The following ECM1 variants were observed in gnomAD, a reference collection of about 807,000 sequenced individuals.
ECM1 encodes secretory component p85.
Under a neutral mutation model 57.9 loss-of-function variants are expected in ECM1, and 54 were observed. The ratio of observed to expected loss-of-function variants is 0.93; its 90% CI spans 0.75 to 1.17. The LOEUF is 1.17. Ranked by LOEUF, ECM1 falls within the 50% of genes most tolerant of loss-of-function variation. The pLI is 0.00. For missense variants in ECM1, 649 were observed against 688.1 expected, an observed-to-expected ratio of 0.94 and a Z score of 0.64; for synonymous variants, 237 against 259.1, an observed-to-expected ratio of 0.91 and a Z score of 0.82.
chr1:150,511,134 T>A lies in ECM1; in HGVS notation c.644T>A (p.Ile215Asn). The change falls in exon 6 of 10, where the codon ATT becomes AAT. Residue 215 changes from isoleucine (I) to asparagine (N), a missense_variant. Coordinates refer to ENST00000369047, the MANE Select transcript of ECM1 (RefSeq NM_004425.4). Reference protein sequence around the residue: ...RQGETLNFLEIGYSRCCHCRS... With the variant: ...RQGETLNFLENGYSRCCHCRS... Reference sequence around the variant, plus strand: ...GGTGAGACCCTCAATTTCCTGGAGATTGGATATTCCCGCTGCTGCCACTGC... The same window carrying A: ...GGTGAGACCCTCAATTTCCTGGAGAATGGATATTCCCGCTGCTGCCACTGC... 1 of 1,614,174 alleles carries A rather than the reference T, an allele frequency of 6.2e-7. No individual in the cohort carries two copies. The highest frequency in any genetic ancestry group is 8.5e-7 in the Non-Finnish European group (1 of 1,180,022).
Position 150,511,144 on chromosome 1 carries a change from C to T in ECM1, c.654C>T (p.Ser218=), listed in dbSNP as rs145380604. ...ETLNFLEIGY[S]RCCHCRSHTN... ...TCAATTTCCTGGAGATTGGATATTC[C>T]CGCTGCTGCCACTGCCGCAGCCACA... Residue 218 remains serine (S), a synonymous_variant, in exon 6 of 10, where the codon TCC becomes TCT. Coordinates refer to ENST00000369047, the MANE Select transcript of ECM1 (RefSeq NM_004425.4). 6 of 1,614,104 alleles carry T rather than the reference C, an allele frequency of 3.7e-6. No homozygotes were observed. Among genetic ancestry groups the T allele is most frequent in the Non-Finnish European group, 4.2e-6 (5 of 1,180,052 alleles).
chr1:150,508,360 T>A, intron 1 of ECM1, 81 bp downstream of exon 1: 1 of 1,328,710 alleles, frequency 7.5e-7, no homozygotes, highest in South Asian at 1.2e-5. Context: ...AGACGGCTCA[T>A]CACTAGCAGA....
At chr1:150,512,216 A>T in intron 7 of ECM1, 136 bp from the exon 8 acceptor site, 1 of 954,874 alleles carries the variant, frequency 1.0e-6, no homozygotes, top group Non-Finnish European at 1.6e-6. Flanking sequence ...CTAACCCTCT[A>T]CTTTTTTGCC....
chr1:150,508,178 C>T lies in ECM1; in HGVS notation c.-32C>T. 1.2e-6 allele frequency: 2 copies of T among 1,612,894 alleles called. No individual in the cohort carries two copies. Among genetic ancestry groups the T allele is most frequent in the Non-Finnish European group, 1.7e-6 (2 of 1,179,038 alleles). On this transcript the variant is annotated 5_prime_UTR_variant, in exon 1 of 10. Transcript: ENST00000369047. The stretch of plus-strand genomic sequence containing the variant: ...ATCCAGACTTGCCTGAGAGGACCCA[C>T]CTCTGAGTGTCCAGTGGTCAGTTGC...
rs1670421266 is a variant in ECM1 at position 150,510,987 on chromosome 1, G to A, written c.497G>A (p.Gly166Asp). The stretch of plus-strand genomic sequence containing the variant: ...GGGGGCTGGGGCCACCGGCTGGATG[G>A]CTTCCCCCCTGGGCGGCCTTCTCCA... The part of the protein sequence containing the change: ...SQGGWGHRLD[G>D]FPPGRPSPDN... The change falls in exon 6 of 10, where the codon GGC becomes GAC. Residue 166 changes from glycine (G) to aspartate (D), a missense_variant. By Grantham distance (94) the Gly-to-Asp change is moderately conservative (BLOSUM62 -1). Transcript: ENST00000369047. The A allele has an allele frequency of 3.1e-6, 5 of 1,614,058 alleles. No homozygotes were observed. The highest frequency in any genetic ancestry group is 4.2e-6 in the Non-Finnish European group (5 of 1,180,032).
chr1:150,510,547 C>T lies in ECM1; in HGVS notation c.386-329C>T, dbSNP rs587634366. On this transcript the variant is annotated intron_variant, in intron 5 of 9. Coordinates refer to ENST00000369047, the MANE Select transcript of ECM1 (RefSeq NM_004425.4). The stretch of plus-strand genomic sequence containing the variant: ...TCCATATCAGGAGGAGATAATCATC[C>T]ATTCCATGCCGAGAGAGGGTGAGTG... 5 of 547,714 alleles carry T rather than the reference C, an allele frequency of 9.1e-6. No individual in the cohort carries two copies. In the East Asian group the frequency reaches 1.3e-4, roughly 14 times the overall value. 33.9% of individuals were successfully genotyped at this position (547,714 alleles called of 1,614,324 possible). A position where few individuals can be genotyped will look rare whatever the true frequency, so the allele number is the denominator to read the frequency against.
At chr1:150,512,255 C>G in intron 7 of ECM1, 97 bp from the exon 8 acceptor site, 3 of 1,364,716 alleles carry the variant, frequency 2.2e-6, no homozygotes, top group Non-Finnish European at 1.0e-6. Context: ...GGGCTGGGAG[C>G]CCCTCATCTA....
intron 1 of ECM1, among the ~76,000 whole-genome samples, chr1:150,508,539 GGGTT>G (rs1670338774): frequency 6.6e-6 from 1 of 152,128 alleles, no homozygotes; most frequent in Admixed American, 6.6e-5. Flanking sequence ...AGTGGGGGGT[GGGTT>G]CACAGAGTGA....
In ECM1 at chr1:150,512,762, C is replaced by T. The variant is rs199929991; in HGVS notation, c.1342C>T (p.Arg448Cys). The change falls in exon 9 of 10, where the codon CGC (arginine) becomes TGC (cysteine). Residue 448 changes from arginine to cysteine, a missense_variant. Transcript: ENST00000369047. ...IPGLIHNMTARCCDLPFPEQA... is the reference protein window; with the variant it reads ...IPGLIHNMTACCCDLPFPEQA... ...TGGGCTGATCCACAACATGACTGCC[C>T]GCTGCTGTGACCTGCCATTTCCAGA... 6.8e-6 allele frequency: 11 copies of T among 1,613,990 alleles called. No individual in the cohort carries two copies. The highest frequency in any genetic ancestry group is 5.0e-5 in the Admixed American group (3 of 59,996).
At chr1:150,511,965 G>A in intron 7 of ECM1, 134 bp downstream of exon 7, 1 of 1,248,922 alleles carries the variant, frequency 8.0e-7, no homozygotes, top group African/African-American at 1.5e-5. Context: ...GCTTGTGGCT[G>A]TCCGTCCATC....
intron 1 of ECM1, 123 bp downstream of exon 1, chr1:150,508,402 C>G (rs1481901038): frequency 9.6e-7 from 1 of 1,038,268 alleles, no homozygotes; most frequent in Admixed American, 1.8e-5. Flanking sequence ...CTTTTCTGAG[C>G]AGGCCCAAAG....
Position 150,511,071 on chromosome 1 carries a change from AC to A in ECM1, c.583del (p.Leu195TyrfsTer36). 6.2e-7 allele frequency: 1 copy of A among 1,614,096 alleles called. No individual in the cohort carries two copies. The highest frequency in any genetic ancestry group is 8.5e-7 in the Non-Finnish European group (1 of 1,180,014). ...NRQHVVYGPW[N>X]LPQSSYSHLT... is the part of the protein sequence containing the mutation. ...CAGCATGTGGTATATGGTCCCTGGA[AC>A]CTACCACAGTCCAGCTACTCCCACC... is the stretch of plus-strand genomic sequence containing the variant. On this transcript the variant is annotated frameshift_variant, in exon 6 of 10. Coordinates refer to ENST00000369047, the MANE Select transcript of ECM1 (RefSeq NM_004425.4). LOFTEE classifies it high-confidence loss of function.
Position 150,511,646 on chromosome 1 carries a change from C to G in ECM1, c.898C>G (p.Pro300Ala). 1 of 1,614,162 alleles carries G rather than the reference C, an allele frequency of 6.2e-7. No homozygotes were observed. The highest frequency in any genetic ancestry group is 8.5e-7 in the Non-Finnish European group (1 of 1,180,026). Residue 300 changes from proline to alanine, a missense_variant, in exon 7 of 10, where the codon CCT (proline) becomes GCT (alanine). Physicochemically the swap from Pro to Ala is conservative, Grantham distance 27 (BLOSUM62 -1). Transcript: ENST00000369047. ...DISSGLELPF[P>A]PGVPTLDNIK... ...TTCCTCGGGTCTTGAGCTGCCTTTC[C>G]CTCCTGGGGTGCCCACATTGGACAA...
At chr1:150,509,508 T>G (rs768285248) in intron 1 of ECM1, 23 bp from the exon 2 acceptor site, 1 of 1,614,100 alleles carries the variant, frequency 6.2e-7, no homozygotes, top group Non-Finnish European at 8.5e-7. Flanking sequence ...CAGTGGCCCC[T>G]GACTTGCCCT....
At chr1:150,510,247 C>T (rs777089734) in intron 5 of ECM1, 65 bp downstream of exon 5, 17 of 1,483,432 alleles carry the variant, frequency 1.1e-5, no homozygotes, top group South Asian at 2.3e-5. Flanking sequence ...GCATGGGCTT[C>T]GGGGCAGACA....
Position 150,513,435 on chromosome 1 carries a change from A to G in ECM1, c.1591A>G (p.Ile531Val). 1 of 1,613,794 alleles carries G rather than the reference A, an allele frequency of 6.2e-7. No individual in the cohort carries two copies. The highest frequency in any genetic ancestry group is 1.1e-5 in the South Asian group (1 of 91,070). Reference protein sequence around the residue: ...GEQGSTGGTNISSTSEPKEE With the variant: ...GEQGSTGGTNVSSTSEPKEE ...GCAGGGCTCAACTGGAGGAACAAAT[A>G]TCAGCTCCACCTCTGAGCCCAAGGA... Residue 531 changes from isoleucine (I) to valine (V), a missense_variant, in exon 10 of 10, where the codon ATC (isoleucine) becomes GTC (valine). Ile to Val is a conservative substitution (Grantham distance 29). Transcript: ENST00000369047.
intron 1 of ECM1, among the ~76,000 whole-genome samples, chr1:150,508,618 C>A (rs1395689594): frequency 6.6e-6 from 1 of 151,998 alleles, no homozygotes; most frequent in Non-Finnish European, 1.5e-5. Flanking sequence ...GGAAAAGGGG[C>A]CCCCAGGCTG....
chr1:150,511,866 TTGCC>T, intron 7 of ECM1, 35 bp downstream of exon 7: 1 of 1,574,088 alleles, frequency 6.4e-7, no homozygotes, highest in Non-Finnish European at 8.6e-7. Context: ...GAGAGCCTGT[TTGCC>T]TGCCTGCCCA....
Position 150,512,792 on chromosome 1 carries a change from G to A in ECM1, c.1372G>A (p.Ala458Thr), listed in dbSNP as rs771939130. Residue 458 changes from alanine (A) to threonine (T), a missense_variant, in exon 9 of 10, where the codon GCC (alanine) becomes ACC (threonine). Physicochemically the swap from Ala to Thr is moderately conservative, Grantham distance 58. Transcript: ENST00000369047. ...RCCDLPFPEQ[A>T]CCAEEEKLTF... is the part of the protein sequence containing the mutation. ...CTGTGACCTGCCATTTCCAGAACAG[G>A]CCTGCTGTGCAGAGGAGGAGGTGAG... 3.7e-6 allele frequency: 6 copies of A among 1,614,060 alleles called. No homozygotes were observed. Among genetic ancestry groups the A allele is most frequent in the South Asian group, 3.3e-5 (3 of 91,086 alleles).
Sources: allele counts gnomAD v4.1 joint callset (sites outside exome capture counted in the v4.1 genomes callset), GRCh38; gene constraint gnomAD v4.1.1; transcripts MANE v1.5; gene names NCBI Gene and HGNC (gene_info 2026-07-23, HGNC 2026-07-21).